SLC25A51: variants seen among roughly 807,000 people sequenced by gnomAD.
The protein encoded by SLC25A51 is solute carrier family 25 member 51.
In SLC25A51, 11 loss-of-function variants were observed where a neutral mutation model predicts 19.1. The observed-to-expected ratio is 0.58, with a 90% CI of 0.36 to 0.96. The LOEUF (loss-of-function observed/expected upper bound fraction) is 0.96. SLC25A51 is among the 40% of genes least tolerant of loss of function. The probability of loss-of-function intolerance (pLI) is 0.01; values close to 1 mark genes in which losing one functional copy is unlikely to be tolerated. For missense variants in SLC25A51, 201 were observed against 365.4 expected (o/e 0.55, Z 3.67); for synonymous variants, 105 against 133.6 (o/e 0.79, Z 1.47).
intron 2 of SLC25A51, among the ~76,000 whole-genome samples, chr9:37,891,705 G>A (rs574967567): frequency 7.2e-4 from 109 of 152,202 alleles, no homozygotes; most frequent in African/African-American, 2.3e-3. Context: ...AGTTCCCAGC[G>A]ACACAAACAC....
chr9:37,887,413 A>G (rs1831484593), downstream of SLC25A51, among the ~76,000 whole-genome samples: 1 of 151,700 alleles, frequency 6.6e-6, no homozygotes, highest in South Asian at 2.1e-4. Flanking sequence ...ATATTGAACA[A>G]CCCCCTATTT....
At chr9:37,885,347 A>AC (rs1395157036), downstream of SLC25A51, among the ~76,000 whole-genome samples, 4 of 149,212 alleles carry the variant, frequency 2.7e-5, no homozygotes, top group Non-Finnish European at 4.5e-5. Context: ...AATGATAAAA[A>AC]AAAAAAAAAA....
chr9:37,886,961 A>C (rs1035481654), downstream of SLC25A51, among the ~76,000 whole-genome samples: 12 of 151,664 alleles, frequency 7.9e-5, no homozygotes, highest in Admixed American at 7.2e-4. Flanking sequence ...CAGGAGATCG[A>C]GACCATCCTG....
In SLC25A51 at chr9:37,888,221, G is replaced by A; in HGVS notation, c.330C>T (p.His110=). Residue 110 remains histidine (H), a synonymous_variant, in exon 3 of 3, where the codon CAC becomes CAT. Coordinates refer to ENST00000242275, the MANE Select transcript of SLC25A51 (RefSeq NM_033412.4). ...GLYEDLSCLL[H]KHVSAPEFAT... ...CAAACTCTGGAGCACTGACATGCTT[G>A]TGGAGAAGGCAGGATAAATCCTCAT... 1 of 1,614,176 alleles carries A rather than the reference G, an allele frequency of 6.2e-7. No individual in the cohort carries two copies. Among genetic ancestry groups the A allele is most frequent in the South Asian group, 1.1e-5 (1 of 91,078 alleles).
chr9:37,901,120 G>T (rs1831838626), intron 1 of SLC25A51, among the ~76,000 whole-genome samples: 1 of 152,028 alleles, frequency 6.6e-6, no homozygotes, highest in African/African-American at 2.4e-5. Flanking sequence ...GCCAGCCTTG[G>T]CCTCCCAAAG....
downstream of SLC25A51, among the ~76,000 whole-genome samples, chr9:37,877,641 C>G (rs1415343380): frequency 6.7e-6 from 1 of 149,076 alleles, no homozygotes. Flanking sequence ...TCAATAGATC[C>G]TCCTGCCTTG....
downstream of SLC25A51, among the ~76,000 whole-genome samples, chr9:37,885,354 A>AC (rs971419512): frequency 8.6e-5 from 13 of 150,896 alleles, no homozygotes; most frequent in Non-Finnish European, 1.6e-4. Context: ...AAAAAAAAAA[A>AC]AAAAAAAAAA....
At chr9:37,882,423 T>C (rs56954101) in intron 2 of SLC25A51, among the ~76,000 whole-genome samples, 3,248 of 152,342 alleles carry the variant, frequency 0.021, 121 homozygotes, top group African/African-American at 0.074. Context: ...CACAGCCTTA[T>C]ACTGAGCATT....
At chr9:37,894,451 C>T (rs1339120826) in intron 2 of SLC25A51, among the ~76,000 whole-genome samples, 4 of 151,818 alleles carry the variant, frequency 2.6e-5, no homozygotes, top group Non-Finnish European at 5.9e-5. Flanking sequence ...CTCAGCCTCC[C>T]GAGTAGCTGG....
downstream of SLC25A51, among the ~76,000 whole-genome samples, chr9:37,883,505 T>C (rs1463702207): frequency 2.0e-5 from 3 of 152,258 alleles, no homozygotes; most frequent in Non-Finnish European, 1.5e-5. Context: ...AAAAGTGCTT[T>C]AGAACTCAGA....
Position 37,888,370 on chromosome 9 carries a change from A to G in SLC25A51, c.181T>C (p.Tyr61His), listed in dbSNP as rs1369621958. ...IQKVLFRQQL[Y>H]GIKTRDAILQ... ...ATTGCATCCCGGGTTTTGATGCCAT[A>G]CAGCTGTTGTCGAAAGAGGACCTTC... The change falls in exon 3 of 3, where the codon TAT becomes CAT. Residue 61 changes from tyrosine to histidine, a missense_variant. By Grantham distance (83) the Tyr-to-His change is moderately conservative (BLOSUM62 2). Coordinates refer to ENST00000242275, the MANE Select transcript of SLC25A51 (RefSeq NM_033412.4). 5.6e-6 allele frequency: 9 copies of G among 1,614,282 alleles called. No homozygotes were observed. The highest frequency in any genetic ancestry group is 6.8e-6 in the Non-Finnish European group (8 of 1,180,052).
intron 2 of SLC25A51, among the ~76,000 whole-genome samples, chr9:37,893,826 A>G (rs577658843): frequency 4.6e-5 from 7 of 152,268 alleles, no homozygotes; most frequent in Admixed American, 2.0e-4. Flanking sequence ...AAAAAGCTGG[A>G]AACCAATTAA....
chr9:37,888,218 C>T lies in SLC25A51; in HGVS notation c.333G>A (p.Lys111=). ...TTGCAAACTCTGGAGCACTGACATG[C>T]TTGTGGAGAAGGCAGGATAAATCCT... ...LYEDLSCLLH[K]HVSAPEFATS... The change falls in exon 3 of 3, where the codon AAG becomes AAA. Residue 111 remains lysine (K), a synonymous_variant. Transcript: ENST00000242275. 2 of 1,614,160 alleles carry T rather than the reference C, an allele frequency of 1.2e-6. No individual in the cohort carries two copies. Among genetic ancestry groups the T allele is most frequent in the South Asian group, 1.1e-5 (1 of 91,082 alleles).
downstream of SLC25A51, chr9:37,878,371 C>A (rs1337735164): frequency 1.7e-5 from 3 of 174,116 alleles, no homozygotes; most frequent in Admixed American, 1.9e-4. Flanking sequence ...TTCATTGTGC[C>A]CCAGTGTGAA....
intron 2 of SLC25A51, among the ~76,000 whole-genome samples, chr9:37,890,148 G>A (rs1268305577): frequency 1.3e-5 from 2 of 152,014 alleles, no homozygotes; most frequent in African/African-American, 2.4e-5. Flanking sequence ...ACTTTGGGAG[G>A]CTGGGGCAGG....
chr9:37,900,427 C>A (rs1036740779), intron 1 of SLC25A51, among the ~76,000 whole-genome samples: 1 of 149,794 alleles, frequency 6.7e-6, no homozygotes, highest in Non-Finnish European at 1.5e-5. Context: ...CCAGCCTGGG[C>A]GACACAGCAA....
intron 1 of SLC25A51, among the ~76,000 whole-genome samples, chr9:37,901,383 G>A (rs535318306): frequency 1.3e-5 from 2 of 152,184 alleles, no homozygotes; most frequent in South Asian, 2.1e-4. Flanking sequence ...AGCCAGGCTG[G>A]TCTCAAACTC....
chr9:37,879,145 A>G, downstream of SLC25A51: 1 of 338,580 alleles, frequency 3.0e-6, no homozygotes, highest in Middle Eastern at 6.3e-4. Context: ...CACATAAAGG[A>G]CCAGAAGAAA....
downstream of SLC25A51, among the ~76,000 whole-genome samples, chr9:37,886,580 T>C (rs1451135845): frequency 6.6e-6 from 1 of 152,174 alleles, no homozygotes; most frequent in African/African-American, 2.4e-5. Context: ...TGCCATGCTG[T>C]GGCCAACTGT....
Sources: allele counts gnomAD v4.1 joint callset (sites outside exome capture counted in the v4.1 genomes callset), GRCh38; gene constraint gnomAD v4.1.1; transcripts MANE v1.5; gene names NCBI Gene and HGNC (gene_info 2026-07-23, HGNC 2026-07-21).